Variants in DIP2B observed in about 807,000 individuals in gnomAD.
DIP2B encodes DIP2 acetate--CoA ligase B (putative), also known as disco-interacting protein 2 homolog B.
Under a neutral mutation model 198.0 loss-of-function variants are expected in DIP2B, and 76 were observed. That is an observed-to-expected ratio of 0.38 (90% CI 0.32 to 0.46). The LOEUF is 0.46. DIP2B is among the 20% of genes least tolerant of loss of function. The pLI is 0.99. For synonymous variants in DIP2B, 701 were observed against 739.1 expected (o/e 0.95, Z 0.84); for missense variants, 1,559 against 1,978.4 (o/e 0.79, Z 4.02).
intron 1 of DIP2B, among the ~76,000 whole-genome samples, chr12:50,519,032 C>T (rs1260283603): frequency 1.3e-5 from 2 of 152,204 alleles, no homozygotes; most frequent in African/African-American, 4.8e-5. Context: ...GCATGAACCA[C>T]TGCATCTGGC....
intron 1 of DIP2B, among the ~76,000 whole-genome samples, chr12:50,528,921 AT>A (rs1958191357): frequency 1.3e-5 from 2 of 152,206 alleles, no homozygotes; most frequent in South Asian, 2.1e-4. Flanking sequence ...ATGATTTGTG[AT>A]TATGAACTTG....
Position 50,505,204 on chromosome 12 carries a change from G to A in DIP2B, c.64G>A (p.Ala22Thr). The change falls in exon 1 of 38, where the codon GCG (alanine) becomes ACG (threonine). Residue 22 changes from alanine to threonine, a missense_variant. Ala to Thr is a moderately conservative substitution (Grantham distance 58). Transcript: ENST00000301180. Reference sequence around the variant, plus strand: ...GGCGGCGCTGCCGCCTGAAGTGCGGGCGCAGCTGGCGGAGCTGGAGCTGGA... The same window carrying A: ...GGCGGCGCTGCCGCCTGAAGTGCGGACGCAGCTGGCGGAGCTGGAGCTGGA... Reference protein sequence around the residue: ...AVAALPPEVRAQLAELELELS... With the variant: ...AVAALPPEVRTQLAELELELS... 6.6e-7 allele frequency: 1 copy of A among 1,523,686 alleles called. No individual in the cohort carries two copies. Among genetic ancestry groups the A allele is most frequent in the Non-Finnish European group, 8.8e-7 (1 of 1,141,148 alleles). The allele number at this position is 1,523,686 out of a possible 1,614,324, so 94.4% of individuals were successfully genotyped here.
At chr12:50,695,803 C>T in intron 15 of DIP2B, 45 bp from the exon 16 acceptor site, 1 of 1,607,472 alleles carries the variant, frequency 6.2e-7, no homozygotes, top group Non-Finnish European at 8.5e-7. Context: ...TACATATGTC[C>T]CAAATTTATT....
chr12:50,505,490 C>T, intron 1 of DIP2B, among the ~76,000 whole-genome samples: 1 of 152,210 alleles, frequency 6.6e-6, no homozygotes, highest in East Asian at 1.9e-4. Context: ...GCCCACACTG[C>T]TTCTGCGCTT....
rs1193468222 is a variant in DIP2B, at chr12:50,732,357, G to A, written c.3811-9G>A. 1 of 1,614,110 alleles carries A rather than the reference G, an allele frequency of 6.2e-7. No individual in the cohort carries two copies. The highest frequency in any genetic ancestry group is 1.3e-5 in the African/African-American group (1 of 75,044). On this transcript the variant is annotated splice_polypyrimidine_tract_variant and intron_variant, in intron 31 of 37. Coordinates refer to ENST00000301180, the MANE Select transcript of DIP2B (RefSeq NM_173602.3). ...ACTGACTTGGCTCCCATATAATGGT[G>A]TCTTGCAGACCAGAGGGATCAACCT...
At position 50,743,140 on chromosome 12, in the gene DIP2B, C is replaced by T. The variant is rs190890172; in HGVS notation, c.4479-1447C>T. Among the ~76,000 whole-genome samples, 33 of 152,028 alleles carry T rather than the reference C, an allele frequency of 2.2e-4. No individual in the cohort carries two copies. The East Asian group carries it at 6.2e-3, about 29-fold the overall frequency. ...AGAGTCTCCCCAGGCTGGAGTGCAG[C>T]GGTGCGATCCCGGCTCACTGCAACC... On this transcript the variant is annotated intron_variant, in intron 37 of 37. Coordinates refer to ENST00000301180, the MANE Select transcript of DIP2B (RefSeq NM_173602.3).
At chr12:50,608,104 A>G (rs1300291508) in intron 1 of DIP2B, among the ~76,000 whole-genome samples, 3 of 152,034 alleles carry the variant, frequency 2.0e-5, no homozygotes, top group Non-Finnish European at 4.4e-5. Context: ...CAATTTGCTT[A>G]TTTTCAAATA....
Position 50,723,334 on chromosome 12 carries a change from G to C in DIP2B, c.3288+11G>C, listed in dbSNP as rs1244408881. 1.2e-6 allele frequency: 2 copies of C among 1,613,928 alleles called. No homozygotes were observed. ...CGAATGATTGTTGATGTAAGTACCA[G>C]CTGTATCTTGCCTTGTCCTCATCTC... On this transcript the variant is annotated intron_variant, in intron 27 of 37. Transcript: ENST00000301180.
chr12:50,546,074 A>G (rs553850131), intron 1 of DIP2B, among the ~76,000 whole-genome samples: 34 of 152,216 alleles, frequency 2.2e-4, no homozygotes, highest in Non-Finnish European at 4.1e-4. Flanking sequence ...CTTTGTTTCC[A>G]TTCTGCACTG....
intron 12 of DIP2B, among the ~76,000 whole-genome samples, chr12:50,690,131 G>T (rs61926275): frequency 8.0e-5 from 12 of 150,090 alleles, no homozygotes; most frequent in Non-Finnish European, 1.2e-4. Context: ...CTGTTGCCCA[G>T]GCTGGAGTGC....
chr12:50,538,473 C>A (rs916411536), intron 1 of DIP2B, among the ~76,000 whole-genome samples: 1 of 152,062 alleles, frequency 6.6e-6, no homozygotes, highest in African/African-American at 2.4e-5. Context: ...GTCCCACTTC[C>A]CAAAATGTAG....
intron 1 of DIP2B, among the ~76,000 whole-genome samples, chr12:50,553,892 G>A (rs1378954045): frequency 1.3e-5 from 2 of 152,110 alleles, no homozygotes; most frequent in Non-Finnish European, 2.9e-5. Context: ...GGGCTCATTT[G>A]ATCCTTCCAC....
chr12:50,538,407 T>C (rs1416381223), intron 1 of DIP2B, among the ~76,000 whole-genome samples: 1 of 152,228 alleles, frequency 6.6e-6, no homozygotes, highest in Non-Finnish European at 1.5e-5. Flanking sequence ...AGCATGAATT[T>C]GGAGTGGACA....
chr12:50,578,607 A>T (rs1484252442), intron 1 of DIP2B, among the ~76,000 whole-genome samples: 2 of 143,828 alleles, frequency 1.4e-5, no homozygotes, highest in Admixed American at 7.5e-5. Flanking sequence ...TCCCGGGTTC[A>T]TGCCATTCTC....
At chr12:50,625,857 C>A (rs1037609702) in intron 1 of DIP2B, 119 bp from the exon 2 acceptor site, 27 of 1,066,684 alleles carry the variant, frequency 2.5e-5, no homozygotes, top group East Asian at 1.2e-4. Flanking sequence ...CATTCCCCCC[C>A]CCAACCCCCT....
At chr12:50,740,154 T>C (rs11169539) in intron 36 of DIP2B, among the ~76,000 whole-genome samples, 43,057 of 152,200 alleles carry the variant, frequency 0.28, 6,465 homozygotes, top group East Asian at 0.41. Context: ...CTGACACTTA[T>C]AGCCATTTAA....
intron 1 of DIP2B, among the ~76,000 whole-genome samples, chr12:50,533,924 T>C (rs1958240904): frequency 1.3e-5 from 2 of 152,166 alleles, no homozygotes; most frequent in African/African-American, 4.8e-5. Flanking sequence ...TGTTACTTTT[T>C]GGAGATGGGA....
intron 1 of DIP2B, among the ~76,000 whole-genome samples, chr12:50,512,181 A>G (rs1208441728): frequency 2.1e-5 from 3 of 140,250 alleles, no homozygotes; most frequent in Non-Finnish European, 4.5e-5. Context: ...ATCTCTGCTC[A>G]CTGCAACCTC....
At chr12:50,587,741 A>G (rs1344628600) in intron 1 of DIP2B, among the ~76,000 whole-genome samples, 1 of 152,210 alleles carries the variant, frequency 6.6e-6, no homozygotes, top group African/African-American at 2.4e-5. Flanking sequence ...AAAGCTGAAA[A>G]TTAACCTGCA....
Sources: gnomAD v4.1 joint callset for allele counts (sites outside exome capture counted in the v4.1 genomes callset) on GRCh38, gnomAD v4.1.1 for gene constraint, MANE v1.5 for transcripts, NCBI Gene and HGNC (gene_info 2026-07-23, HGNC 2026-07-21) for gene names.